The following TRPM5 variants were observed in gnomAD, a reference collection of about 807,000 sequenced individuals.
The protein encoded by TRPM5 is transient receptor potential cation channel subfamily M member 5.
A neutral mutation model predicts 124.9 loss-of-function variants in TRPM5; 121 were observed. The ratio of observed to expected loss-of-function variants is 0.97; its 90% CI spans 0.84 to 1.13. The LOEUF (loss-of-function observed/expected upper bound fraction) is 1.13, where lower values mean the gene tolerates loss of function less well. Ranked by LOEUF, TRPM5 falls within the 50% of genes most tolerant of loss-of-function variation. TRPM5 has a pLI of 0.00. For missense variants in TRPM5, 1,643 were observed against 1,589.1 expected (o/e 1.03, Z -0.58); for synonymous variants, 781 against 700.5 (o/e 1.11, Z -1.81).
Position 2,407,094 on chromosome 11 carries a change from TGCTCCCGCTTGTGCTCGGCCTCACCCA to T in TRPM5, c.3116_3118+24del. The T allele has an allele frequency of 9.6e-7, 1 of 1,045,660 alleles. No homozygotes were observed. The highest frequency in any genetic ancestry group is 2.0e-5 in the South Asian group (1 of 49,504). 64.8% of individuals were successfully genotyped at this position (1,045,660 alleles called of 1,614,324 possible). A position where few individuals can be genotyped will look rare whatever the true frequency, so the allele number is the denominator to read the frequency against. ...ACCCGCCACCTCGGCCTCACCCAGGTGCTCCCGCTTGTGCTCGGCCTCACCCAGGTGCTCCCGCTTGTGCTCAGCCTC... is the reference window on the plus strand; with the variant it reads ...ACCCGCCACCTCGGCCTCACCCAGGTGGTGCTCCCGCTTGTGCTCAGCCTC... On this transcript the variant is annotated splice_donor_variant and splice_donor_5th_base_variant and coding_sequence_variant and intron_variant, in exon 20 of 24. Coordinates refer to ENST00000155858, the Ensembl canonical transcript of TRPM5. LOFTEE classifies it high-confidence loss of function.
At chr11:2,409,691 G>T (rs1397823713) in intron 18 of TRPM5, among the ~76,000 whole-genome samples, 1 of 152,180 alleles carries the variant, frequency 6.6e-6, no homozygotes, top group Non-Finnish European at 1.5e-5. Context: ...TCAACCTGAA[G>T]GGCCCAGATA....
At chr11:2,438,385 C>G in the TRPM5 span, among the ~76,000 whole-genome samples, 3 of 152,178 alleles carry the variant, frequency 2.0e-5, no homozygotes, top group Non-Finnish European at 4.4e-5. The surrounding 1 kb of genome is among the most constrained non-coding windows in gnomAD (Gnocchi z 5.9). Context: ...AAGAAATTGG[C>G]TGGATGCAGT....
chr11:2,420,841 C>T (rs1306272742), intron 3 of TRPM5, among the ~76,000 whole-genome samples, 191 bp downstream of exon 8: 3 of 152,194 alleles, frequency 2.0e-5, no homozygotes, highest in African/African-American at 7.2e-5. Context: ...GGTGAGGGCC[C>T]GCGCCACAGT....
At chr11:2,412,972 G>C in exon 15 of TRPM5, 2 of 1,606,020 alleles carry the variant, frequency 1.2e-6, no homozygotes, top group South Asian at 2.2e-5. Flanking sequence ...CGTGGGCCTC[G>C]GTCACCCTGA....
chr11:2,421,125 C>T (rs369171098), exon 3 of TRPM5: 47 of 1,542,856 alleles, frequency 3.0e-5, no homozygotes, highest in Middle Eastern at 3.4e-4. Context: ...TGCTGGCCAG[C>T]GAGTGGTCGC....
chr11:2,412,147 C>A lies in TRPM5; in HGVS notation c.2462G>T (p.Gly821Val). 6.2e-7 allele frequency: 1 copy of A among 1,613,306 alleles called. No individual in the cohort carries two copies. The highest frequency in any genetic ancestry group is 8.5e-7 in the Non-Finnish European group (1 of 1,179,862). The change falls in exon 16 of 24, where the codon GGT (glycine) becomes GTT (valine). Residue 821 changes from glycine to valine, a missense_variant. Transcript: ENST00000155858. ...GGGCCCCACAGACCTGCAGGTGACA[C>A]CCACGATGAACAGGAAGATGGCCAC...
exon 12 of TRPM5, chr11:2,414,113 T>G (rs779970189): frequency 6.3e-7 from 1 of 1,596,474 alleles, no homozygotes; most frequent in Non-Finnish European, 8.5e-7. Flanking sequence ...GGTGGCCAGG[T>G]GCAGGCAGGT....
intron 19 of TRPM5, 93 bp downstream of exon 24, chr11:2,407,666 C>T: frequency 3.3e-6 from 5 of 1,504,652 alleles, no homozygotes; most frequent in Non-Finnish European, 4.5e-6. Context: ...CTCTGCAGCA[C>T]ACCAGGTGGG....
Position 2,407,058 on chromosome 11 carries a change from C to T in TRPM5, c.3118+61G>A. The T allele has an allele frequency of 1.8e-5, 27 of 1,472,276 alleles. 1 individual carries two copies. The South Asian group carries it at 3.3e-4, about 18-fold the overall frequency. The allele number at this position is 1,472,276 out of a possible 1,614,324, so 91.2% of individuals were successfully genotyped here. A position where few individuals can be genotyped will look rare whatever the true frequency, so the allele number is the denominator to read the frequency against. On this transcript the variant is annotated intron_variant, in intron 20 of 23. Transcript: ENST00000155858. Reference sequence around the variant, plus strand: ...TCCAGACCTGCCTCCAGCGCACAGCCCCGCCCTGGGACCCGCCACCTCGGC... The same window carrying T: ...TCCAGACCTGCCTCCAGCGCACAGCTCCGCCCTGGGACCCGCCACCTCGGC...
exon 4 of TRPM5, chr11:2,420,336 T>G (rs1279542691): frequency 6.2e-7 from 1 of 1,612,650 alleles, no homozygotes; most frequent in Non-Finnish European, 8.5e-7. Flanking sequence ...TGGGAGAGGT[T>G]GCTGTCCAGT....
chr11:2,410,365 G>T (rs1371375874), intron 18 of TRPM5, among the ~76,000 whole-genome samples: 2 of 152,210 alleles, frequency 1.3e-5, no homozygotes, highest in Non-Finnish European at 2.9e-5. Context: ...GGTCAGGCCT[G>T]GGCAGCACGT....
At chr11:2,420,522 TCTGCC>T (rs1565014690) in intron 3 of TRPM5, 117 bp from the exon 9 acceptor site, 1 of 1,057,294 alleles carries the variant, frequency 9.5e-7, no homozygotes, top group African/African-American at 1.6e-5. Flanking sequence ...GCACAAGGCT[TCTGCC>T]CGAGCCTTGG....
Position 2,409,659 on chromosome 11 carries a change from G to A in TRPM5, c.2782+1693C>T, listed in dbSNP as rs564410804. 8.5e-5 allele frequency among the ~76,000 whole-genome samples: 13 copies of A among 152,302 alleles called. No homozygotes were observed. In the East Asian group the frequency reaches 2.5e-3, roughly 29 times the overall value. On this transcript the variant is annotated intron_variant, in intron 18 of 23. Transcript: ENST00000155858. The stretch of plus-strand genomic sequence containing the variant: ...CCCTGCCTAGCAGCATGAGGGGCTG[G>A]GTCACAGTGAGTGGCTGGGGTTCAA...
Position 2,405,611 on chromosome 11 carries a change from G to C in TRPM5, c.3325-18C>G. ...TAGTTGATCTGGAGAAGGGAAACAC[G>C]TCCGGGAAGCTCCAGGGCTCTCTCA... On this transcript the variant is annotated intron_variant, in intron 22 of 23. Transcript: ENST00000155858. 1 of 1,554,804 alleles carries C rather than the reference G, an allele frequency of 6.4e-7. No individual in the cohort carries two copies. Among genetic ancestry groups the C allele is most frequent in the Non-Finnish European group, 8.7e-7 (1 of 1,148,742 alleles).
At chr11:2,411,790 G>A (rs532718774) in intron 16 of TRPM5, 23 bp from the exon 22 acceptor site, 21 of 1,611,614 alleles carry the variant, frequency 1.3e-5, no homozygotes, top group Admixed American at 5.0e-5. Flanking sequence ...AGGCTGATGC[G>A]GCTGCGGGGC....
the TRPM5 span, among the ~76,000 whole-genome samples, chr11:2,433,007 G>A: frequency 3.9e-5 from 6 of 152,228 alleles, no homozygotes; most frequent in Non-Finnish European, 7.3e-5. Flanking sequence ...CCAGGAGTCC[G>A]GGAACCAGTG....
chr11:2,411,789 C>A (rs777449131), intron 16 of TRPM5, 22 bp from the exon 22 acceptor site: 2 of 1,610,820 alleles, frequency 1.2e-6, no homozygotes, highest in Admixed American at 1.7e-5. Context: ...GAGGCTGATG[C>A]GGCTGCGGGG....
chr11:2,409,952 T>C (rs1200840995), intron 18 of TRPM5, among the ~76,000 whole-genome samples: 1 of 152,136 alleles, frequency 6.6e-6, no homozygotes, highest in African/African-American at 2.4e-5. Context: ...TACGAGTCGC[T>C]GAGACTGGCC....
chr11:2,436,874 C>A, the TRPM5 span, among the ~76,000 whole-genome samples: 1 of 152,246 alleles, frequency 6.6e-6, no homozygotes, highest in Admixed American at 6.5e-5. Flanking sequence ...GACCTAACCT[C>A]AGATCAAAGT....
Sources: allele counts gnomAD v4.1 joint callset (sites outside exome capture counted in the v4.1 genomes callset), GRCh38; gene constraint gnomAD v4.1.1; non-coding constraint Gnocchi (gnomAD v3.1); transcripts MANE v1.5; gene names NCBI Gene and HGNC (gene_info 2026-07-23, HGNC 2026-07-21).